The following UNC13C variants were observed in gnomAD, a reference collection of about 807,000 sequenced individuals.
UNC13C encodes protein unc-13 homolog C.
In UNC13C, 174 loss-of-function variants were observed where a neutral mutation model predicts 245.4. The observed-to-expected ratio is 0.71, with a 90% CI of 0.63 to 0.80. The LOEUF is 0.80. Ranked by LOEUF, UNC13C falls within the 30% of genes least tolerant of loss-of-function variation. The pLI is 0.00. For synonymous variants in UNC13C, 992 were observed against 895.1 expected (o/e 1.11, Z -1.93); for missense variants, 2,829 against 2,602.9 (o/e 1.09, Z -1.89).
intron 30 of UNC13C, among the ~76,000 whole-genome samples, chr15:54,617,252 C>A (rs941689670): frequency 6.6e-6 from 1 of 151,932 alleles, no homozygotes; most frequent in African/African-American, 2.4e-5. Flanking sequence ...ATTTTTTAAT[C>A]TTTTGTTTCA....
chr15:54,235,034 G>A lies in UNC13C; in HGVS notation c.3076G>A (p.Gly1026Arg), dbSNP rs538582890. 6.2e-7 allele frequency: 1 copy of A among 1,613,718 alleles called. No homozygotes were observed. The highest frequency in any genetic ancestry group is 2.2e-5 in the East Asian group (1 of 44,860). ...FSALQVCGGA[G>R]GGLYGIDSMP... ...TGGTTTTATTTTGTCTTTCAGGGCT[G>A]GAGGTGGACTTTATGGTATTGACAG... is the stretch of plus-strand genomic sequence containing the variant. Residue 1026 changes from glycine to arginine, a missense_variant, in exon 5 of 33, where the codon GGA becomes AGA. Gly to Arg is a moderately radical substitution (Grantham distance 125, BLOSUM62 -2). Transcript: ENST00000260323.
At chr15:54,415,427 A>G (rs1325646094) in intron 19 of UNC13C, among the ~76,000 whole-genome samples, 1 of 152,144 alleles carries the variant, frequency 6.6e-6, no homozygotes, top group Admixed American at 6.6e-5. Context: ...ACTTGGAAAT[A>G]GTATCCACCA....
At chr15:53,882,535 C>T in the UNC13C span, among the ~76,000 whole-genome samples, 1 of 152,108 alleles carries the variant, frequency 6.6e-6, no homozygotes, top group Non-Finnish European at 1.5e-5. Flanking sequence ...GCCTTGATGA[C>T]TTGTATAGTC....
In UNC13C at chr15:54,293,942, A is replaced by C. The variant is rs1290193407; in HGVS notation, c.3866A>C (p.Glu1289Ala). 6.3e-7 allele frequency: 1 copy of C among 1,589,520 alleles called. No individual in the cohort carries two copies. Among genetic ancestry groups the C allele is most frequent in the Non-Finnish European group, 8.5e-7 (1 of 1,169,978 alleles). ...TDRIKVRVWD[E>A]DDDIKSRVKQ... ...CGAATCAAAGTCAGAGTATGGGATG[A>C]AGATGATGATATTAAATCCAGAGTC... The change falls in exon 11 of 33, where the codon GAA (glutamate) becomes GCA (alanine). Residue 1289 changes from glutamate (E) to alanine (A), a missense_variant. Glu to Ala is a moderately radical substitution (Grantham distance 107). Coordinates refer to ENST00000260323, the MANE Select transcript of UNC13C (RefSeq NM_001080534.3).
chr15:54,177,328 G>C (rs2033649267), intron 4 of UNC13C, among the ~76,000 whole-genome samples: 1 of 152,116 alleles, frequency 6.6e-6, no homozygotes, highest in South Asian at 2.1e-4. Context: ...TGGGTTCTCT[G>C]AAGAGGTTCT....
intron 1 of UNC13C, among the ~76,000 whole-genome samples, chr15:53,995,102 A>G (rs1431279161): frequency 6.6e-6 from 1 of 152,170 alleles, no homozygotes; most frequent in Non-Finnish European, 1.5e-5. Context: ...TAGTTCATGC[A>G]TGAAGATAAA....
intron 2 of UNC13C, among the ~76,000 whole-genome samples, chr15:54,034,310 C>T (rs891352359): frequency 4.6e-5 from 7 of 152,204 alleles, no homozygotes; most frequent in Non-Finnish European, 8.8e-5. Flanking sequence ...ACAATTTCCT[C>T]CTTTTGTCTT....
the UNC13C span, among the ~76,000 whole-genome samples, chr15:53,897,587 C>T: frequency 6.6e-6 from 1 of 152,174 alleles, no homozygotes; most frequent in Non-Finnish European, 1.5e-5. Context: ...GCTATACATA[C>T]ATTTAAATGG....
intron 16 of UNC13C, among the ~76,000 whole-genome samples, chr15:54,336,182 G>A (rs34860293): frequency 0.26 from 38,766 of 151,764 alleles, 5,314 homozygotes; most frequent in Admixed American, 0.34. Flanking sequence ...AGATAAAATT[G>A]TATGTATTTA....
intron 24 of UNC13C, among the ~76,000 whole-genome samples, chr15:54,519,633 T>C (rs1895132271): frequency 6.6e-6 from 1 of 152,190 alleles, no homozygotes; most frequent in Admixed American, 6.6e-5. Flanking sequence ...GAAAATGCCA[T>C]AGTCTGTCTG....
chr15:54,102,811 C>T (rs538881632), intron 2 of UNC13C, among the ~76,000 whole-genome samples: 4 of 152,316 alleles, frequency 2.6e-5, no homozygotes, highest in African/African-American at 7.2e-5. Context: ...GTTCTGGTGA[C>T]TCTTGTCTCA....
chr15:53,896,416 T>C, the UNC13C span, among the ~76,000 whole-genome samples: 1 of 152,184 alleles, frequency 6.6e-6, no homozygotes, highest in African/African-American at 2.4e-5. Context: ...TTTTCTGAGC[T>C]TGTGTATTTG....
chr15:53,901,316 T>C, the UNC13C span, among the ~76,000 whole-genome samples: 226 of 150,742 alleles, frequency 1.5e-3, no homozygotes, highest in African/African-American at 5.2e-3. Flanking sequence ...ACCTCCCGGG[T>C]TCATGCCATT....
chr15:54,031,596 G>A (rs879370968), intron 2 of UNC13C, among the ~76,000 whole-genome samples: 3 of 152,196 alleles, frequency 2.0e-5, no homozygotes, highest in African/African-American at 4.8e-5. Flanking sequence ...ATTACTGATA[G>A]AGGGACATAG....
At chr15:54,214,441 T>A (rs1193959810) in intron 4 of UNC13C, among the ~76,000 whole-genome samples, 1 of 151,936 alleles carries the variant, frequency 6.6e-6, no homozygotes, top group Non-Finnish European at 1.5e-5. Context: ...TGAAACTATA[T>A]AAGAGGATGC....
intron 30 of UNC13C, among the ~76,000 whole-genome samples, chr15:54,620,225 GC>G (rs987257348): frequency 4.6e-5 from 7 of 152,172 alleles, no homozygotes; most frequent in Admixed American, 1.3e-4. Flanking sequence ...TAAAGCCTCT[GC>G]CCCTGACGTC....
intron 24 of UNC13C, among the ~76,000 whole-genome samples, chr15:54,524,617 T>C (rs951495470): frequency 1.3e-5 from 2 of 152,238 alleles, no homozygotes; most frequent in African/African-American, 4.8e-5. Flanking sequence ...ATAGGACTTA[T>C]GTCCAATGCA....
chr15:54,056,548 C>A (rs903631803), intron 2 of UNC13C, among the ~76,000 whole-genome samples: 4 of 152,156 alleles, frequency 2.6e-5, no homozygotes, highest in African/African-American at 9.7e-5. Context: ...AGGATATTAT[C>A]CAGGAGAACT....
chr15:54,615,544 T>TC (rs1203505561), intron 30 of UNC13C, among the ~76,000 whole-genome samples: 3 of 151,904 alleles, frequency 2.0e-5, no homozygotes, highest in Non-Finnish European at 2.9e-5. Context: ...ATATGGAGAA[T>TC]CTTTTTTTAC....
Sources: allele counts gnomAD v4.1 joint callset (sites outside exome capture counted in the v4.1 genomes callset), GRCh38; gene constraint gnomAD v4.1.1; transcripts MANE v1.5; gene names NCBI Gene and HGNC (gene_info 2026-07-23, HGNC 2026-07-21).